CHST7: variants seen among roughly 807,000 people sequenced by gnomAD.
CHST7 encodes N-acetylglucosamine 6-O-sulfotransferase 4.
A neutral mutation model predicts 9.0 loss-of-function variants in CHST7; 5 were observed. The observed-to-expected ratio is 0.56, with a 90% CI of 0.29 to 1.17. The LOEUF is 1.17. CHST7 is among the 50% of genes most tolerant of loss of function. The pLI is 0.08. For synonymous variants in CHST7, 244 were observed against 237.1 expected (o/e 1.03, Z -0.27); for missense variants, 377 against 485.1 (o/e 0.78, Z 2.09).
rs759471448 is a variant in CHST7 at position 46,591,632 on chromosome X, C to T, written c.*32-6128C>T. ...TCAAGTGATCTGCCCGCCTCAGCCT[C>T]CCAAAGTGCTGAGATTACAGGCGTG... is the stretch of plus-strand genomic sequence containing the variant. On this transcript the variant is annotated intron_variant, in intron 1 of 1. Transcript: ENST00000276055. Among the ~76,000 whole-genome samples the T allele has an allele frequency of 4.7e-3, 527 of 111,445 alleles. 3 individuals carry two copies. The highest frequency in any genetic ancestry group is 0.017 in the African/African-American group (507 of 30,655).
chrX:46,592,950 TTAAG>T (rs1319634201), intron 1 of CHST7, among the ~76,000 whole-genome samples: 4 of 110,105 alleles, frequency 3.6e-5, no homozygotes, highest in African/African-American at 1.3e-4. Flanking sequence ...TGAATTATAT[TTAAG>T]TATGTTCTTT....
At chrX:46,586,184 C>A (rs1486042611) in intron 1 of CHST7, among the ~76,000 whole-genome samples, 3 of 111,968 alleles carry the variant, frequency 2.7e-5, no homozygotes, top group Non-Finnish European at 5.6e-5. Flanking sequence ...CAACACGAAC[C>A]TGCTCTAGGC....
chrX:46,574,519 G>A lies in CHST7; in HGVS notation c.588G>A (p.Arg196=), dbSNP rs1453144326. 1 of 1,207,202 alleles carries A rather than the reference G, an allele frequency of 8.3e-7. No individual in the cohort carries two copies. The highest frequency in any genetic ancestry group is 1.7e-5 in the African/African-American group (1 of 57,872). The change falls in exon 1 of 2, where the codon CGG becomes CGA. Residue 196 remains arginine (R), a synonymous_variant. Transcript: ENST00000276055. ...NLTTAALFRW[R]TNKVICSPPL... ...CCACGGCCGCCCTCTTCCGCTGGCGGACTAACAAGGTCATCTGCTCGCCGC... is the reference window on the plus strand; with the variant it reads ...CCACGGCCGCCCTCTTCCGCTGGCGAACTAACAAGGTCATCTGCTCGCCGC...
intron 1 of CHST7, among the ~76,000 whole-genome samples, chrX:46,595,588 C>A (rs149977708): frequency 6.2e-4 from 68 of 110,135 alleles, no homozygotes; most frequent in African/African-American, 2.2e-3. Context: ...TTTTTCAGGG[C>A]TTTTTTGTGT....
chrX:46,585,183 A>C (rs1283268498), intron 1 of CHST7, among the ~76,000 whole-genome samples: 1 of 111,322 alleles, frequency 9.0e-6, no homozygotes. Context: ...AAGGAAAAAA[A>C]CACATTTTTC....
At chrX:46,591,601 C>T (rs1942573257) in intron 1 of CHST7, among the ~76,000 whole-genome samples, 2 of 110,973 alleles carry the variant, frequency 1.8e-5, no homozygotes, top group African/African-American at 6.6e-5. Flanking sequence ...TCTGGAACTC[C>T]TAACCTCAAG....
intron 1 of CHST7, among the ~76,000 whole-genome samples, chrX:46,590,058 G>A (rs1942567049): frequency 9.0e-6 from 1 of 111,515 alleles, no homozygotes; most frequent in Non-Finnish European, 1.9e-5. Flanking sequence ...GGATATAAAA[G>A]AGTGCTTATG....
At position 46,573,905 on chromosome X, in the gene CHST7, C is replaced by G; in HGVS notation, c.-27C>G. The G allele has an allele frequency of 8.7e-7, 1 of 1,154,118 alleles. No individual in the cohort carries two copies. The highest frequency in any genetic ancestry group is 1.1e-6 in the Non-Finnish European group (1 of 872,203). On this transcript the variant is annotated 5_prime_UTR_variant, in exon 1 of 2. Transcript: ENST00000276055. Reference sequence around the variant, plus strand: ...TGAGGAACGGGAGAAGACTGGCGCCCGACCCGCTCTGGAGGGTCGGTGAAC... The same window carrying G: ...TGAGGAACGGGAGAAGACTGGCGCCGGACCCGCTCTGGAGGGTCGGTGAAC...
At chrX:46,584,535 CAA>C (rs397777408) in intron 1 of CHST7, among the ~76,000 whole-genome samples, 3 of 52,738 alleles carry the variant, frequency 5.7e-5, no homozygotes, top group African/African-American at 8.7e-5. Flanking sequence ...GAAACTGTCT[CAA>C]AAAAAAAAAA....
Position 46,581,540 on chromosome X carries a change from A to G in CHST7, c.*31+6117A>G, listed in dbSNP as rs191387508. Among the ~76,000 whole-genome samples the G allele has an allele frequency of 8.6e-3, 821 of 95,455 alleles. 7 individuals carry two copies. Among genetic ancestry groups the G allele is most frequent in the Admixed American group, 0.021 (182 of 8,534 alleles). 82.9% of individuals were successfully genotyped at this position (95,455 alleles called of 115,157 possible). On this transcript the variant is annotated intron_variant, in intron 1 of 1. Coordinates refer to ENST00000276055, the MANE Select transcript of CHST7 (RefSeq NM_019886.4). Reference sequence around the variant, plus strand: ...CACTGCACTCTAGCCTGGGCGACAGAGCGAGACTCTGTCTCAGAAAAAAAA... The same window carrying G: ...CACTGCACTCTAGCCTGGGCGACAGGGCGAGACTCTGTCTCAGAAAAAAAA...
At chrX:46,582,657 A>G (rs1330416914) in intron 1 of CHST7, among the ~76,000 whole-genome samples, 1 of 112,145 alleles carries the variant, frequency 8.9e-6, no homozygotes, top group Non-Finnish European at 1.9e-5. Flanking sequence ...ACATTTTGGT[A>G]TAAAAATTAT....
rs773167607 is a variant in CHST7 at position 46,574,057 on chromosome X, C to T, written c.126C>T (p.Ala42=). Residue 42 remains alanine (A), a synonymous_variant, in exon 1 of 2, where the codon GCC becomes GCT. Coordinates refer to ENST00000276055, the MANE Select transcript of CHST7 (RefSeq NM_019886.4). ...GCGGCCGCGACGGGGACAAGGGCGCCGAGCACTGCCCCGGCCTGCAGCGCA... is the reference window on the plus strand; with the variant it reads ...GCGGCCGCGACGGGGACAAGGGCGCTGAGCACTGCCCCGGCCTGCAGCGCA... ...LDGGRDGDKG[A]EHCPGLQRSL... 2.1e-5 allele frequency: 25 copies of T among 1,164,221 alleles called. No homozygotes were observed. Among genetic ancestry groups the T allele is most frequent in the Non-Finnish European group, 2.9e-5 (25 of 875,938 alleles).
chrX:46,586,732 T>G (rs1175019800), intron 1 of CHST7, among the ~76,000 whole-genome samples: 8 of 104,398 alleles, frequency 7.7e-5, no homozygotes, highest in African/African-American at 2.8e-4. Flanking sequence ...TGTTTCCAAG[T>G]TTTTTTTTTT....
chrX:46,584,101 G>T (rs1461589984), intron 1 of CHST7, among the ~76,000 whole-genome samples: 1 of 112,237 alleles, frequency 8.9e-6, no homozygotes, highest in Non-Finnish European at 1.9e-5. Context: ...TGATTTCAAT[G>T]ATGACTATAT....
rs1942488746 is a variant in CHST7, at chrX:46,574,885, C to T, written c.954C>T (p.His318=). 2.6e-6 allele frequency: 3 copies of T among 1,162,959 alleles called. No individual in the cohort carries two copies. Among genetic ancestry groups the T allele is most frequent in the African/African-American group, 3.5e-5 (2 of 56,621 alleles). Residue 318 remains histidine, a synonymous_variant, in exon 1 of 2, where the codon CAC becomes CAT. Coordinates refer to ENST00000276055, the MANE Select transcript of CHST7 (RefSeq NM_019886.4). Reference sequence around the variant, plus strand: ...GCTTCCACCGTGTGCTGCTGGCGCACGGCGTGGGTGCTCGCCCCGGGGGCC... The same window carrying T: ...GCTTCCACCGTGTGCTGCTGGCGCATGGCGTGGGTGCTCGCCCCGGGGGCC... ...GDRFHRVLLA[H]GVGARPGGQS...
Position 46,574,518 on chromosome X carries a change from G to T in CHST7, c.587G>T (p.Arg196Leu). Residue 196 changes from arginine (R) to leucine (L), a missense_variant, in exon 1 of 2, where the codon CGG becomes CTG. This residue lies in a region of CHST7 where 239 missense variants were observed against 325.7 expected (regional missense o/e 0.73). Coordinates refer to ENST00000276055, the MANE Select transcript of CHST7 (RefSeq NM_019886.4). ...ACCACGGCCGCCCTCTTCCGCTGGC[G>T]GACTAACAAGGTCATCTGCTCGCCG... ...NLTTAALFRW[R>L]TNKVICSPPL... 1 of 1,206,946 alleles carries T rather than the reference G, an allele frequency of 8.3e-7. No homozygotes were observed. Among genetic ancestry groups the T allele is most frequent in the Non-Finnish European group, 1.1e-6 (1 of 893,022 alleles).
chrX:46,582,423 T>A (rs1942529644), intron 1 of CHST7, among the ~76,000 whole-genome samples: 1 of 112,074 alleles, frequency 8.9e-6, no homozygotes, highest in Non-Finnish European at 1.9e-5. Flanking sequence ...ACAACATAGA[T>A]TTGATTTCAT....
chrX:46,576,531 A>G (rs1942500463), intron 1 of CHST7, among the ~76,000 whole-genome samples: 1 of 111,492 alleles, frequency 9.0e-6, no homozygotes, highest in African/African-American at 3.3e-5. Flanking sequence ...GGGTCAGTGT[A>G]TGGCCTGAGG....
chrX:46,574,246 C>T lies in CHST7; in HGVS notation c.315C>T (p.Tyr105=), dbSNP rs762118180. 10 of 1,210,184 alleles carry T rather than the reference C, an allele frequency of 8.3e-6. No individual in the cohort carries two copies. Among genetic ancestry groups the T allele is most frequent in the African/African-American group, 1.7e-5 (1 of 57,486 alleles). Residue 105 remains tyrosine, a synonymous_variant, in exon 1 of 2, where the codon TAC becomes TAT. Transcript: ENST00000276055. Reference sequence around the variant, plus strand: ...TGTCTCGCGAGAAGCAGCACATCTACGTGCATGCCACCTGGCGCACCGGCT... The same window carrying T: ...TGTCTCGCGAGAAGCAGCACATCTATGTGCATGCCACCTGGCGCACCGGCT... ...EAVSREKQHI[Y]VHATWRTGSS...
Sources: gnomAD v4.1 joint callset for allele counts (sites outside exome capture counted in the v4.1 genomes callset) on GRCh38, gnomAD v4.1.1 for gene constraint, gnomAD v4.1.1 regional missense constraint, MANE v1.5 for transcripts, NCBI Gene and HGNC (gene_info 2026-07-23, HGNC 2026-07-21) for gene names.